The following RETREG1 variants were observed in gnomAD, a reference collection of about 807,000 sequenced individuals.
RETREG1 encodes the protein family with sequence similarity 134 member B.
A neutral mutation model predicts 54.8 loss-of-function variants in RETREG1; 44 were observed. That is an observed-to-expected ratio of 0.80 (90% CI 0.63 to 1.03). RETREG1 has a LOEUF of 1.03. Ranked by LOEUF, RETREG1 falls within the 50% of genes least tolerant of loss-of-function variation. The probability of loss-of-function intolerance (pLI) is 0.00; values close to 1 mark genes in which losing one functional copy is unlikely to be tolerated. For missense variants in RETREG1, 554 were observed against 605.1 expected, an observed-to-expected ratio of 0.92 and a Z score of 0.89; for synonymous variants, 217 against 238.5, an observed-to-expected ratio of 0.91 and a Z score of 0.83.
chr5:16,612,064 C>CA (rs35639329), intron 1 of RETREG1, among the ~76,000 whole-genome samples: 58,034 of 120,164 alleles, frequency 0.48, 13,245 homozygotes, highest in Non-Finnish European at 0.57. Flanking sequence ...GACTCCGTCT[C>CA]AAAAAAAAAA....
At chr5:16,590,268 C>T (rs936976721) in intron 1 of RETREG1, among the ~76,000 whole-genome samples, 1 of 152,116 alleles carries the variant, frequency 6.6e-6, no homozygotes, top group African/African-American at 2.4e-5. Flanking sequence ...GTGCCCACAC[C>T]GATGGAGACC....
chr5:16,504,058 C>G (rs766444371), intron 3 of RETREG1, among the ~76,000 whole-genome samples: 1 of 152,212 alleles, frequency 6.6e-6, no homozygotes, highest in Non-Finnish European at 1.5e-5. Flanking sequence ...TCCCTCCCCC[C>G]AACCCATCCC....
chr5:16,477,682 G>T lies in RETREG1; in HGVS notation c.980C>A (p.Pro327Gln), dbSNP rs773599540. ...GTFNLSEGYT[P>Q]QTDTSDDLDR... ...CATACCATCAGAAGTGTCTGTCTGT[G>T]GAGTGTATCCTTCTGAAAGGTTGAA... The change falls in exon 8 of 9, where the codon CCA becomes CAA. Residue 327 changes from proline to glutamine, a missense_variant. Transcript: ENST00000306320. The T allele has an allele frequency of 3.7e-6, 6 of 1,612,862 alleles. No individual in the cohort carries two copies. The highest frequency in any genetic ancestry group is 5.1e-6 in the Non-Finnish European group (6 of 1,179,258).
At chr5:16,579,902 C>T (rs1028288889) in intron 1 of RETREG1, among the ~76,000 whole-genome samples, 1 of 152,170 alleles carries the variant, frequency 6.6e-6, no homozygotes, top group Admixed American at 6.5e-5. Flanking sequence ...ATGAATAAAG[C>T]TGCTATAAAC....
chr5:16,546,830 A>C (rs1347168176), intron 3 of RETREG1, among the ~76,000 whole-genome samples: 1 of 152,148 alleles, frequency 6.6e-6, no homozygotes, highest in Non-Finnish European at 1.5e-5. Context: ...ACCAATGAAA[A>C]CTTCTGATGA....
chr5:16,544,014 C>T (rs1741323007), intron 3 of RETREG1, among the ~76,000 whole-genome samples: 1 of 120,074 alleles, frequency 8.3e-6, no homozygotes, highest in Admixed American at 1.1e-4. Flanking sequence ...TCACTCTTGT[C>T]ACCCAGGCTG....
At chr5:16,499,749 TGAAACACTTGCATG>T (rs1739626225) in intron 3 of RETREG1, among the ~76,000 whole-genome samples, 1 of 152,250 alleles carries the variant, frequency 6.6e-6, no homozygotes, top group African/African-American at 2.4e-5. Flanking sequence ...GCTTCACCAG[TGAAACACTTGCATG>T]TTGGGGACAT....
At chr5:16,568,980 T>C (rs1397198803) in intron 2 of RETREG1, among the ~76,000 whole-genome samples, 1 of 152,172 alleles carries the variant, frequency 6.6e-6, no homozygotes, top group Non-Finnish European at 1.5e-5. Flanking sequence ...ATTGTCATTG[T>C]CGTTGCTATA....
chr5:16,528,896 G>A (rs993909553), intron 3 of RETREG1, among the ~76,000 whole-genome samples: 4 of 151,836 alleles, frequency 2.6e-5, no homozygotes, highest in African/African-American at 7.3e-5. Flanking sequence ...AGACAGATGA[G>A]CGTGGGCCAT....
At position 16,481,107 on chromosome 5, in the gene RETREG1, A is replaced by G. The variant is rs1294715271; in HGVS notation, c.586-14T>C. The G allele has an allele frequency of 6.3e-7, 1 of 1,583,812 alleles. No individual in the cohort carries two copies. The highest frequency in any genetic ancestry group is 8.7e-7 in the Non-Finnish European group (1 of 1,153,396). On this transcript the variant is annotated splice_polypyrimidine_tract_variant and intron_variant, in intron 4 of 8. Coordinates refer to ENST00000306320, the MANE Select transcript of RETREG1 (RefSeq NM_001034850.3). ...CAGGAGACAAAACTGGAAATAATAG[A>G]AATAACATGGGATAGTTAAGCATAA...
At chr5:16,589,361 GTCTT>G (rs1249075201) in intron 1 of RETREG1, among the ~76,000 whole-genome samples, 2 of 150,634 alleles carry the variant, frequency 1.3e-5, no homozygotes, top group Admixed American at 6.6e-5. Context: ...TCCAATGCAT[GTCTT>G]TCTTTTTTGT....
Position 16,593,014 on chromosome 5 carries a change from A to G in RETREG1, c.321-20912T>C, listed in dbSNP as rs1742818222. Among the ~76,000 whole-genome samples the G allele has an allele frequency of 2.0e-5, 3 of 152,190 alleles. No homozygotes were observed. The highest frequency in any genetic ancestry group is 2.4e-5 in the African/African-American group (1 of 41,442). ...CAAACTTTGATATGAGTTCACCTAT[A>G]TAACACACTTGAACTTAAAAGTTTT... On this transcript the variant is annotated intron_variant, in intron 1 of 8. Coordinates refer to ENST00000306320, the MANE Select transcript of RETREG1 (RefSeq NM_001034850.3). The surrounding 1 kb of genome is among the most constrained non-coding windows in gnomAD (Gnocchi z 4.9).
chr5:16,567,727 C>A (rs185762411), intron 2 of RETREG1, among the ~76,000 whole-genome samples: 3 of 152,006 alleles, frequency 2.0e-5, no homozygotes, highest in Non-Finnish European at 4.4e-5. Flanking sequence ...GAGGCCAAAA[C>A]GGGGGGATCA....
Position 16,500,089 on chromosome 5 carries a change from G to A in RETREG1, c.459-16617C>T, listed in dbSNP as rs1038275081. ...ACCATGGGAGCCTCCCTTTAAGACCGTCATTTCTTCTGTCTCCCTAATAAG... is the reference window on the plus strand; with the variant it reads ...ACCATGGGAGCCTCCCTTTAAGACCATCATTTCTTCTGTCTCCCTAATAAG... On this transcript the variant is annotated intron_variant, in intron 3 of 8. Transcript: ENST00000306320. Among the ~76,000 whole-genome samples the A allele has an allele frequency of 5.9e-5, 9 of 152,190 alleles. 1 individual carries two copies. The highest frequency in any genetic ancestry group is 1.3e-4 in the Admixed American group (2 of 15,274).
intron 1 of RETREG1, among the ~76,000 whole-genome samples, chr5:16,588,809 T>A (rs926838458): frequency 1.3e-5 from 2 of 152,244 alleles, no homozygotes; most frequent in Non-Finnish European, 2.9e-5. Context: ...ATAAATTATA[T>A]GCTCACCCTA....
At position 16,473,928 on chromosome 5, in the gene RETREG1, G is replaced by A. The variant is rs1738411556; in HGVS notation, c.*813C>T. On this transcript the variant is annotated 3_prime_UTR_variant, in exon 9 of 9. Transcript: ENST00000306320. ...AAGGGTCTAACTTAAGTCTGAGCAG[G>A]CAGAATAGAGCTGTGCTCCCAACAT... The A allele has an allele frequency of 6.6e-6, 1 of 152,096 alleles. No individual in the cohort carries two copies. The highest frequency in any genetic ancestry group is 1.5e-5 in the Non-Finnish European group (1 of 68,000). The allele number at this position is 152,096 out of a possible 1,614,324, so 9.4% of individuals were successfully genotyped here. A position where few individuals can be genotyped will look rare whatever the true frequency, so the allele number is the denominator to read the frequency against.
chr5:16,474,581 A>T lies in RETREG1; in HGVS notation c.*160T>A. 1.3e-6 allele frequency: 1 copy of T among 777,832 alleles called. No individual in the cohort carries two copies. Among genetic ancestry groups the T allele is most frequent in the Non-Finnish European group, 2.0e-6 (1 of 495,706 alleles). 48.2% of individuals were successfully genotyped at this position (777,832 alleles called of 1,614,324 possible). On this transcript the variant is annotated 3_prime_UTR_variant, in exon 9 of 9. Coordinates refer to ENST00000306320, the MANE Select transcript of RETREG1 (RefSeq NM_001034850.3). Reference sequence around the variant, plus strand: ...AATATCAATCTATCAGTGTCAGCTGATATATATCCAATTAATTCACTGCAG... The same window carrying T: ...AATATCAATCTATCAGTGTCAGCTGTTATATATCCAATTAATTCACTGCAG...
rs533773918 is a variant in RETREG1, at chr5:16,499,059, T to C, written c.459-15587A>G. ...CTTTGTTTTATAAGCTTTTTACTAT[T>C]TTTAATTTTTGATTTTTTTTTTTTA... On this transcript the variant is annotated intron_variant, in intron 3 of 8. Transcript: ENST00000306320. Among the ~76,000 whole-genome samples the C allele has an allele frequency of 5.4e-5, 8 of 147,482 alleles. No individual in the cohort carries two copies. The South Asian group carries it at 1.5e-3, about 28-fold the overall frequency.
chr5:16,526,218 T>C (rs527966809), intron 3 of RETREG1, among the ~76,000 whole-genome samples: 1 of 152,330 alleles, frequency 6.6e-6, no homozygotes, highest in Non-Finnish European at 1.5e-5. Flanking sequence ...GAGAAATATT[T>C]TGTTTCCAAG....
Sources: gnomAD v4.1 joint callset for allele counts (sites outside exome capture counted in the v4.1 genomes callset) on GRCh38, gnomAD v4.1.1 for gene constraint, Gnocchi (gnomAD v3.1) non-coding constraint, MANE v1.5 for transcripts, NCBI Gene and HGNC (gene_info 2026-07-23, HGNC 2026-07-21) for gene names.